Variants in PDGFRB observed in about 807,000 individuals in gnomAD.
The protein encoded by PDGFRB is platelet-derived growth factor receptor beta.
In PDGFRB, 42 loss-of-function variants were observed where a neutral mutation model predicts 120.2. The observed-to-expected ratio is 0.35, with a 90% CI of 0.27 to 0.45. PDGFRB has a LOEUF of 0.45. Ranked by LOEUF, PDGFRB falls within the 20% of genes least tolerant of loss-of-function variation. The pLI, the probability that PDGFRB is intolerant of heterozygous loss-of-function variation, is 1.00. For missense variants in PDGFRB, 1,149 were observed against 1,476.3 expected, an observed-to-expected ratio of 0.78 and a Z score of 3.63; for synonymous variants, 586 against 606.8, an observed-to-expected ratio of 0.97 and a Z score of 0.50.
At chr5:150,138,207 G>T (rs1198988767) in intron 1 of PDGFRB, among the ~76,000 whole-genome samples, 1 of 152,208 alleles carries the variant, frequency 6.6e-6, no homozygotes, top group Non-Finnish European at 1.5e-5. Context: ...GGAGGTGACG[G>T]CATGATGAGG....
Position 150,120,203 on chromosome 5 carries a change from C to T in PDGFRB, c.2587-80G>A. 1.4e-6 allele frequency: 1 copy of T among 738,734 alleles called. No individual in the cohort carries two copies. Among genetic ancestry groups the T allele is most frequent in the Non-Finnish European group, 2.5e-6 (1 of 396,672 alleles). 45.8% of individuals were successfully genotyped at this position (738,734 alleles called of 1,614,324 possible). ...TGCACCTGGGATGGGAGGAGGGTAT[C>T]TGGCAGCTCCCACCCACAACCACTT... On this transcript the variant is annotated intron_variant, in intron 18 of 22. Transcript: ENST00000261799. This position sits in a 1 kb window ranked among gnomAD's most constrained non-coding sequence, Gnocchi z 4.3.
At chr5:150,151,679 G>C (rs1336962311) in intron 1 of PDGFRB, among the ~76,000 whole-genome samples, 2 of 151,976 alleles carry the variant, frequency 1.3e-5, no homozygotes, top group African/African-American at 4.8e-5. Flanking sequence ...GGCCAACACG[G>C]TGAAACCCCA....
At chr5:150,124,587 G>A (rs977351034) in intron 13 of PDGFRB, 140 bp downstream of exon 13, 8 of 622,386 alleles carry the variant, frequency 1.3e-5, no homozygotes, top group East Asian at 5.5e-5. Context: ...ACCCAGACTC[G>A]GGAGCAGTGC....
intron 11 of PDGFRB, 90 bp from the exon 12 acceptor site, chr5:150,125,667 G>A: frequency 1.6e-6 from 2 of 1,270,842 alleles, no homozygotes; most frequent in Non-Finnish European, 1.1e-6. Flanking sequence ...CATGGGGCAG[G>A]AGACCCTGAG....
intron 1 of PDGFRB, among the ~76,000 whole-genome samples, chr5:150,146,645 A>G (rs1760931283): frequency 2.6e-5 from 4 of 152,076 alleles, no homozygotes; most frequent in Admixed American, 2.0e-4. Flanking sequence ...TATAGCCTCA[A>G]ACTCCTGGGC....
intron 21 of PDGFRB, among the ~76,000 whole-genome samples, chr5:150,118,228 G>A (rs1026684665): frequency 6.6e-6 from 1 of 152,080 alleles, no homozygotes; most frequent in Admixed American, 6.5e-5. Context: ...GACCATCCCC[G>A]GGGGGCAGTG....
intron 10 of PDGFRB, 112 bp downstream of exon 10, chr5:150,129,645 C>G (rs1197390426): frequency 1.2e-6 from 1 of 808,686 alleles, no homozygotes; most frequent in African/African-American, 1.7e-5. Flanking sequence ...CCTGTTTGCC[C>G]CTGGGCATGC....
Position 150,120,351 on chromosome 5 carries a change from T to C in PDGFRB, c.2587-228A>G, listed in dbSNP as rs1476578029. Among the ~76,000 whole-genome samples, 1 of 152,174 alleles carries C rather than the reference T, an allele frequency of 6.6e-6. No individual in the cohort carries two copies. The highest frequency in any genetic ancestry group is 1.5e-5 in the Non-Finnish European group (1 of 68,024). On this transcript the variant is annotated intron_variant, in intron 18 of 22. Coordinates refer to ENST00000261799, the MANE Select transcript of PDGFRB (RefSeq NM_002609.4). This position sits in a 1 kb window ranked among gnomAD's most constrained non-coding sequence, Gnocchi z 4.3. The stretch of plus-strand genomic sequence containing the variant: ...CACTAGCTGGGGACAAGGCAGCCCC[T>C]GTCCCTGGGGAAAAGCCCCAGGGTC...
chr5:150,144,104 C>T (rs953299783), intron 1 of PDGFRB, among the ~76,000 whole-genome samples: 4 of 152,008 alleles, frequency 2.6e-5, no homozygotes, highest in Non-Finnish European at 5.9e-5. Flanking sequence ...AGCGCTGGTT[C>T]CCTGGAAGGC....
intron 15 of PDGFRB, 92 bp from the exon 16 acceptor site, chr5:150,122,132 C>T: frequency 1.1e-6 from 1 of 903,514 alleles, no homozygotes; most frequent in East Asian, 2.5e-5. Context: ...TTCTCTCACT[C>T]ACACACTCAC....
intron 1 of PDGFRB, among the ~76,000 whole-genome samples, chr5:150,147,754 C>G (rs1411369715): frequency 6.6e-6 from 1 of 152,206 alleles, no homozygotes; most frequent in Non-Finnish European, 1.5e-5. Flanking sequence ...CACTTAACCA[C>G]CCCTCTGTGC....
At chr5:150,125,032 A>G (rs974321760) in intron 12 of PDGFRB, among the ~76,000 whole-genome samples, 6 of 152,044 alleles carry the variant, frequency 3.9e-5, no homozygotes, top group African/African-American at 7.2e-5. Context: ...ACACTCCTGC[A>G]ACCACAATAC....
At chr5:150,133,545 G>T in intron 6 of PDGFRB, 41 bp downstream of exon 6, 1 of 1,554,876 alleles carries the variant, frequency 6.4e-7, no homozygotes, top group Non-Finnish European at 8.9e-7. Flanking sequence ...GGTGGGGAGC[G>T]TTGAAGGAAT....
At position 150,117,728 on chromosome 5, in the gene PDGFRB, A is replaced by G. The variant is rs1760004873; in HGVS notation, c.3027T>C (p.Tyr1009=). 1 of 1,613,546 alleles carries G rather than the reference A, an allele frequency of 6.2e-7. No homozygotes were observed. Among genetic ancestry groups the G allele is most frequent in the Admixed American group, 1.7e-5 (1 of 60,000 alleles). ...CACCCTCATTGGGCTGCACGGCAGT[A>G]TAGAGGACGGAGCTGGTGTCCAGGG... is the stretch of plus-strand genomic sequence containing the variant. ...RSPLDTSSVL[Y]TAVQPNEGDN... The change falls in exon 22 of 23, where the codon TAT becomes TAC. Residue 1009 remains tyrosine (Y), a synonymous_variant. Transcript: ENST00000261799.
At chr5:150,128,314 C>T (rs1435917102) in intron 10 of PDGFRB, among the ~76,000 whole-genome samples, 1 of 152,254 alleles carries the variant, frequency 6.6e-6, no homozygotes, top group African/African-American at 2.4e-5. Context: ...TGTGTGGGAG[C>T]ATGGGTGAAA....
In PDGFRB at chr5:150,115,521, C is replaced by T. The variant is rs932354186; in HGVS notation, c.*242G>A. 4 of 391,574 alleles carry T rather than the reference C, an allele frequency of 1.0e-5. No homozygotes were observed. The highest frequency in any genetic ancestry group is 1.8e-5 in the Non-Finnish European group (4 of 222,328). The allele number at this position is 391,574 out of a possible 1,614,324, so 24.3% of individuals were successfully genotyped here. A position where few individuals can be genotyped will look rare whatever the true frequency, so the allele number is the denominator to read the frequency against. On this transcript the variant is annotated 3_prime_UTR_variant, in exon 23 of 23. Transcript: ENST00000261799. ...GGGAAAACTGAGTTCCCTGGGGGAA[C>T]CCTGGCTCAGAGTCAGTTGGCCTCC...
rs1252963320 is a variant in PDGFRB at position 150,114,916 on chromosome 5, G to C, written c.*847C>G. 1.3e-5 allele frequency: 3 copies of C among 233,164 alleles called. No individual in the cohort carries two copies. Among genetic ancestry groups the C allele is most frequent in the Non-Finnish European group, 2.5e-5 (3 of 118,050 alleles). 14.4% of individuals were successfully genotyped at this position (233,164 alleles called of 1,614,324 possible). A position where few individuals can be genotyped will look rare whatever the true frequency, so the allele number is the denominator to read the frequency against. Reference sequence around the variant, plus strand: ...GGGCCATATACTGGCACACACACGTGGCCACTCCACACTGGCACATTTACA... The same window carrying C: ...GGGCCATATACTGGCACACACACGTCGCCACTCCACACTGGCACATTTACA... On this transcript the variant is annotated 3_prime_UTR_variant, in exon 23 of 23. Coordinates refer to ENST00000261799, the MANE Select transcript of PDGFRB (RefSeq NM_002609.4).
At chr5:150,152,682 T>C (rs1761109037) in intron 1 of PDGFRB, among the ~76,000 whole-genome samples, 1 of 152,132 alleles carries the variant, frequency 6.6e-6, no homozygotes, top group African/African-American at 2.4e-5. Flanking sequence ...GGCCTGTGCC[T>C]GGAGGATGGA....
chr5:150,124,218 C>G, intron 14 of PDGFRB, 32 bp downstream of exon 14: 1 of 1,489,818 alleles, frequency 6.7e-7, no homozygotes, highest in African/African-American at 1.4e-5. Context: ...TGGGCACTTT[C>G]CCTGAGGCCT....
Sources: gnomAD v4.1 joint callset for allele counts (sites outside exome capture counted in the v4.1 genomes callset) on GRCh38, gnomAD v4.1.1 for gene constraint, Gnocchi (gnomAD v3.1) non-coding constraint, MANE v1.5 for transcripts, NCBI Gene and HGNC (gene_info 2026-07-23, HGNC 2026-07-21) for gene names.